PDLIM5: variants seen among roughly 807,000 people sequenced by gnomAD.
PDLIM5 encodes the protein PDZ and LIM domain protein 5.
In PDLIM5, 34 loss-of-function variants were observed where a neutral mutation model predicts 64.2. The observed-to-expected ratio is 0.53, with a 90% confidence interval of 0.40 to 0.71. The LOEUF (loss-of-function observed/expected upper bound fraction) is 0.71, where lower values mean the gene tolerates loss of function less well. Ranked by LOEUF, PDLIM5 falls within the 30% of genes least tolerant of loss-of-function variation. The pLI is 0.00. For missense variants in PDLIM5, 683 were observed against 733.6 expected, an observed-to-expected ratio of 0.93 and a Z score of 0.80; for synonymous variants, 253 against 269.1, an observed-to-expected ratio of 0.94 and a Z score of 0.59.
chr4:94,472,225 C>T (rs369956466), intron 2 of PDLIM5, among the ~76,000 whole-genome samples: 4 of 152,022 alleles, frequency 2.6e-5, no homozygotes, highest in African/African-American at 7.2e-5. Context: ...GAAGTCTCTT[C>T]TTTATAGTCA....
At chr4:94,654,815 G>A (rs146541140) in intron 10 of PDLIM5, among the ~76,000 whole-genome samples, 175 bp downstream of exon 10, 10 of 152,034 alleles carry the variant, frequency 6.6e-5, no homozygotes, top group Admixed American at 3.9e-4. Context: ...GAAATATATC[G>A]GACTCATGGG....
At chr4:94,573,247 A>G in intron 3 of PDLIM5, 104 bp from the exon 4 acceptor site, 1 of 762,394 alleles carries the variant, frequency 1.3e-6, no homozygotes, top group South Asian at 1.7e-5. Context: ...CCAGTGATTC[A>G]GTATATTAAG....
intron 3 of PDLIM5, among the ~76,000 whole-genome samples, chr4:94,537,799 A>T (rs1030245544): frequency 1.3e-5 from 2 of 152,212 alleles, no homozygotes; most frequent in Admixed American, 6.5e-5. Context: ...TTGTAAGTAA[A>T]TAAGCCAGAG....
rs1560777062 is a variant in PDLIM5, at chr4:94,665,904, ATTATG to A, written c.*1839_*1843del. The A allele has an allele frequency of 2.7e-6, 4 of 1,472,464 alleles. No homozygotes were observed. The highest frequency in any genetic ancestry group is 3.6e-6 in the Non-Finnish European group (4 of 1,121,100). 91.2% of individuals were successfully genotyped at this position (1,472,464 alleles called of 1,614,324 possible). A position where few individuals can be genotyped will look rare whatever the true frequency, so the allele number is the denominator to read the frequency against. ...TTTGATTTCCTCCTTTGGGAAAAGA[ATTATG>A]TAGATACCACATGGAGACAGGGAAA... On this transcript the variant is annotated 3_prime_UTR_variant, in exon 13 of 13. Coordinates refer to ENST00000317968, the MANE Select transcript of PDLIM5 (RefSeq NM_006457.5).
intron 2 of PDLIM5, chr4:94,455,757 T>C: frequency 6.6e-7 from 1 of 1,510,980 alleles, no homozygotes; most frequent in African/African-American, 1.4e-5. Context: ...TTCCAAAAGC[T>C]GTTTGTTAAA....
Position 94,457,100 on chromosome 4 carries a change from T to G in PDLIM5, c.96+1716T>G, listed in dbSNP as rs927485503. On this transcript the variant is annotated intron_variant, in intron 2 of 12. Coordinates refer to ENST00000317968, the MANE Select transcript of PDLIM5 (RefSeq NM_006457.5). Reference sequence around the variant, plus strand: ...TATATACACACACATACTCTGCATCTTGTATGTGTATCCAACTTCATTTTG... The same window carrying G: ...TATATACACACACATACTCTGCATCGTGTATGTGTATCCAACTTCATTTTG... The G allele has an allele frequency of 9.3e-6, 8 of 858,722 alleles. No homozygotes were observed. In the Admixed American group the frequency reaches 3.7e-4, roughly 40 times the overall value. 53.2% of individuals were successfully genotyped at this position (858,722 alleles called of 1,614,324 possible). A position where few individuals can be genotyped will look rare whatever the true frequency, so the allele number is the denominator to read the frequency against.
chr4:94,487,081 CAAT>C (rs1465122080), intron 2 of PDLIM5, among the ~76,000 whole-genome samples: 1 of 152,180 alleles, frequency 6.6e-6, no homozygotes, highest in African/African-American at 2.4e-5. Context: ...GAGTCTGTGA[CAAT>C]GATGTCATTG....
At chr4:94,543,110 T>C (rs944180444) in intron 3 of PDLIM5, among the ~76,000 whole-genome samples, 1 of 152,168 alleles carries the variant, frequency 6.6e-6, no homozygotes, top group Non-Finnish European at 1.5e-5. Context: ...TTGGGTACGA[T>C]ACTAGTTTCC....
intron 7 of PDLIM5, among the ~76,000 whole-genome samples, chr4:94,588,595 A>G (rs1327320577): frequency 1.3e-5 from 2 of 150,986 alleles, no homozygotes; most frequent in African/African-American, 2.5e-5. Flanking sequence ...AAATAAATAA[A>G]TAAATAAATA....
intron 9 of PDLIM5, among the ~76,000 whole-genome samples, chr4:94,648,398 C>T (rs543377938): frequency 6.6e-6 from 1 of 152,300 alleles, no homozygotes; most frequent in African/African-American, 2.4e-5. Flanking sequence ...CAGCTCACTG[C>T]AGCCTCCACC....
chr4:94,570,563 A>G lies in PDLIM5; in HGVS notation c.249-2788A>G, dbSNP rs184938481. On this transcript the variant is annotated intron_variant, in intron 3 of 12. Coordinates refer to ENST00000317968, the MANE Select transcript of PDLIM5 (RefSeq NM_006457.5). ...CAAACCATTTAGAAAAACCTAATAC[A>G]TTGCCATAGTGATTTAAATGTTTAA... is the stretch of plus-strand genomic sequence containing the variant. Among the ~76,000 whole-genome samples, 257 of 152,336 alleles carry G rather than the reference A, an allele frequency of 1.7e-3. 1 individual carries two copies. Among genetic ancestry groups the G allele is most frequent in the African/African-American group, 6.0e-3 (251 of 41,566 alleles).
intron 3 of PDLIM5, among the ~76,000 whole-genome samples, chr4:94,541,347 A>C (rs1322678020): frequency 6.6e-6 from 1 of 152,234 alleles, no homozygotes; most frequent in Non-Finnish European, 1.5e-5. Flanking sequence ...ATTTTCTGCA[A>C]ACTTACCACT....
At chr4:94,632,701 G>A (rs2110436695) in intron 8 of PDLIM5, among the ~76,000 whole-genome samples, 2 of 152,328 alleles carry the variant, frequency 1.3e-5, no homozygotes, top group East Asian at 3.9e-4. Flanking sequence ...TTGACCCAAT[G>A]TAATCACAAG....
intron 5 of PDLIM5, among the ~76,000 whole-genome samples, chr4:94,581,582 A>G (rs1449590540): frequency 6.6e-6 from 1 of 152,138 alleles, no homozygotes; most frequent in African/African-American, 2.4e-5. Context: ...GTGTAACTCA[A>G]CCCTCTGAGT....
At chr4:94,507,289 C>A (rs893653370) in intron 2 of PDLIM5, among the ~76,000 whole-genome samples, 2 of 152,086 alleles carry the variant, frequency 1.3e-5, no homozygotes, top group African/African-American at 2.4e-5. Context: ...GACTAATACA[C>A]CCTGGTGTCC....
chr4:94,607,022 G>A (rs11735212), intron 7 of PDLIM5, among the ~76,000 whole-genome samples: 39,239 of 152,132 alleles, frequency 0.26, 5,318 homozygotes, highest in Non-Finnish European at 0.29. Flanking sequence ...CCAGCATGCC[G>A]TGGTTTGCTG....
At chr4:94,649,443 C>T (rs1741674425) in intron 9 of PDLIM5, among the ~76,000 whole-genome samples, 2 of 152,156 alleles carry the variant, frequency 1.3e-5, no homozygotes, top group Non-Finnish European at 2.9e-5. Flanking sequence ...CATTTCATCC[C>T]TACTTCCTAC....
chr4:94,581,023 T>C (rs1735689520), intron 5 of PDLIM5, among the ~76,000 whole-genome samples: 1 of 152,172 alleles, frequency 6.6e-6, no homozygotes, highest in Non-Finnish European at 1.5e-5. Context: ...CCTTCAAATA[T>C]GCTAAACATA....
chr4:94,650,945 G>A (rs1741798109), intron 9 of PDLIM5, among the ~76,000 whole-genome samples: 1 of 152,052 alleles, frequency 6.6e-6, no homozygotes, highest in African/African-American at 2.4e-5. Context: ...CAGTCAACAT[G>A]TACTTAGTAA....
Sources: gnomAD v4.1 joint callset for allele counts (sites outside exome capture counted in the v4.1 genomes callset) on GRCh38, gnomAD v4.1.1 for gene constraint, MANE v1.5 for transcripts, NCBI Gene and HGNC (gene_info 2026-07-23, HGNC 2026-07-21) for gene names.